The following FGF14 variants were observed in gnomAD, a reference collection of about 807,000 sequenced individuals.
FGF14 encodes the protein fibroblast growth factor homologous factor 4.
A neutral mutation model predicts 25.5 loss-of-function variants in FGF14; 5 were observed. The observed-to-expected ratio is 0.20, with a 90% confidence interval of 0.10 to 0.41. FGF14 has a LOEUF of 0.41. Ranked by LOEUF, FGF14 falls within the 10% of genes least tolerant of loss-of-function variation. The pLI is 1.00. For synonymous variants in FGF14, 138 were observed against 118.3 expected (o/e 1.17, Z -1.08); for missense variants, 222 against 320.1 (o/e 0.69, Z 2.34).
At chr13:101,724,368 C>T (rs552067017) in intron 4 of FGF14, among the ~76,000 whole-genome samples, 2 of 150,792 alleles carry the variant, frequency 1.3e-5, no homozygotes, top group South Asian at 2.1e-4. Context: ...CACATGTTCT[C>T]ACTCATAGGT....
chr13:102,079,254 A>G (rs2043505320), intron 1 of FGF14, among the ~76,000 whole-genome samples: 1 of 152,116 alleles, frequency 6.6e-6, no homozygotes, highest in Admixed American at 6.5e-5. Flanking sequence ...GCACCAACTT[A>G]ATGCCCTTCA....
At chr13:101,798,533 A>G (rs991816962) in intron 3 of FGF14, among the ~76,000 whole-genome samples, 6 of 152,130 alleles carry the variant, frequency 3.9e-5, no homozygotes, top group African/African-American at 1.4e-4. Context: ...TAAACTGAAT[A>G]GCACTCTTCC....
chr13:102,142,356 G>A (rs866430226), intron 1 of FGF14, among the ~76,000 whole-genome samples: 7 of 151,626 alleles, frequency 4.6e-5, no homozygotes, highest in African/African-American at 1.5e-4. Context: ...AGTCATGCTC[G>A]CAGAATACCT....
At chr13:102,353,520 G>C (rs985115536) in intron 1 of FGF14, among the ~76,000 whole-genome samples, 1 of 152,092 alleles carries the variant, frequency 6.6e-6, no homozygotes, top group Non-Finnish European at 1.5e-5. Context: ...CTTCTCCACG[G>C]AAGTTCCTCC....
At chr13:101,913,026 G>A (rs1202818961) in intron 1 of FGF14, among the ~76,000 whole-genome samples, 1 of 152,098 alleles carries the variant, frequency 6.6e-6, no homozygotes, top group Non-Finnish European at 1.5e-5. Context: ...CAACAACAGT[G>A]ACGTATGAAA....
intron 1 of FGF14, among the ~76,000 whole-genome samples, chr13:101,943,082 T>C (rs1203343400): frequency 6.6e-6 from 1 of 152,176 alleles, no homozygotes; most frequent in Non-Finnish European, 1.5e-5. Flanking sequence ...ATTAATCCCA[T>C]TTTAGAGATG....
At chr13:101,846,108 T>G (rs1462808272) in intron 3 of FGF14, among the ~76,000 whole-genome samples, 1 of 152,018 alleles carries the variant, frequency 6.6e-6, no homozygotes, top group African/African-American at 2.4e-5. Flanking sequence ...CATTGTAGTT[T>G]AAGTTTTAAA....
intron 1 of FGF14, among the ~76,000 whole-genome samples, chr13:102,349,834 A>G (rs1354063660): frequency 1.3e-5 from 2 of 152,214 alleles, no homozygotes; most frequent in African/African-American, 4.8e-5. Context: ...TGGTGCAACA[A>G]ATCTATAAAT....
At chr13:101,961,578 T>G (rs2036860236) in intron 1 of FGF14, among the ~76,000 whole-genome samples, 1 of 152,156 alleles carries the variant, frequency 6.6e-6, no homozygotes, top group Non-Finnish European at 1.5e-5. Flanking sequence ...CACCCAAATC[T>G]CATCTTGTAG....
At chr13:102,372,604 G>A (rs1025038263) in intron 1 of FGF14, among the ~76,000 whole-genome samples, 2 of 151,990 alleles carry the variant, frequency 1.3e-5, no homozygotes, top group Non-Finnish European at 2.9e-5. Context: ...GTGGCATTAG[G>A]ACTTCCAACA....
intron 1 of FGF14, chr13:102,292,589 G>A (rs2054480929): frequency 6.6e-6 from 1 of 152,164 alleles, no homozygotes; most frequent in Non-Finnish European, 1.5e-5. Flanking sequence ...AGGGTTTTGG[G>A]TAAGCCTTTG....
rs909378077 is a variant in FGF14 at position 102,167,480 on chromosome 13, G to A, written c.208+233991C>T. Reference sequence around the variant, plus strand: ...CTGGATTTTCTGGCTTGCTTACTCAGACTATTTCCTTTTAATTTAATGAAA... The same window carrying A: ...CTGGATTTTCTGGCTTGCTTACTCAAACTATTTCCTTTTAATTTAATGAAA... On this transcript the variant is annotated intron_variant, in intron 1 of 4. Coordinates refer to the FGF14 transcript ENST00000376131. 3.9e-5 allele frequency among the ~76,000 whole-genome samples: 6 copies of A among 152,024 alleles called. No individual in the cohort carries two copies. The South Asian group carries it at 6.2e-4, about 16-fold the overall frequency.
chr13:102,297,734 AAC>A (rs1022654647), intron 1 of FGF14, among the ~76,000 whole-genome samples: 81 of 152,008 alleles, frequency 5.3e-4, no homozygotes, highest in Non-Finnish European at 9.0e-4. Context: ...AAAAAAAAAA[AAC>A]AATCAAAAAA....
intron 3 of FGF14, among the ~76,000 whole-genome samples, chr13:101,817,220 C>T (rs2041888279): frequency 6.6e-6 from 1 of 152,178 alleles, no homozygotes; most frequent in Non-Finnish European, 1.5e-5. Context: ...GCTCAGGCTA[C>T]ATCTTCTTTA....
chr13:101,879,766 C>T (rs953039639), intron 1 of FGF14, among the ~76,000 whole-genome samples: 2 of 151,956 alleles, frequency 1.3e-5, no homozygotes, highest in African/African-American at 4.8e-5. Context: ...AAAAATCACA[C>T]ATTTTTATAG....
intron 3 of FGF14, among the ~76,000 whole-genome samples, chr13:101,762,715 T>C (rs913463): frequency 0.92 from 140,420 of 152,222 alleles, 65,880 homozygotes; most frequent in East Asian, 1. Flanking sequence ...AAGTTTGCCA[T>C]CTTTCTTTAC....
rs192332950 is a variant in FGF14, at chr13:102,338,961, A to G, written c.208+62510T>C. On this transcript the variant is annotated intron_variant, in intron 1 of 4. Transcript: ENST00000376131. ...GGGAGGTGGAGGCTGCAGTCAGCCAAATTGTGCTACTGCTCTCCAGCCTGG... is the reference window on the plus strand; with the variant it reads ...GGGAGGTGGAGGCTGCAGTCAGCCAGATTGTGCTACTGCTCTCCAGCCTGG... Among the ~76,000 whole-genome samples, 15 of 151,682 alleles carry G rather than the reference A, an allele frequency of 9.9e-5. No homozygotes were observed. In the East Asian group the frequency reaches 2.3e-3, roughly 24 times the overall value.
At chr13:102,197,134 T>C (rs1306262445) in intron 1 of FGF14, among the ~76,000 whole-genome samples, 3 of 152,172 alleles carry the variant, frequency 2.0e-5, no homozygotes, top group Non-Finnish European at 4.4e-5. Context: ...TCATTTACAT[T>C]TGATGAATGT....
At chr13:101,876,343 T>C (rs537926507) in intron 1 of FGF14, among the ~76,000 whole-genome samples, 1 of 152,228 alleles carries the variant, frequency 6.6e-6, no homozygotes, top group Non-Finnish European at 1.5e-5. Flanking sequence ...GCCATGCTAA[T>C]GCAATCCGCT....
Sources: allele counts gnomAD v4.1 joint callset (sites outside exome capture counted in the v4.1 genomes callset), GRCh38; gene constraint gnomAD v4.1.1; transcripts MANE v1.5; gene names NCBI Gene and HGNC (gene_info 2026-07-23, HGNC 2026-07-21).